EXOC6B: variants seen among roughly 807,000 people sequenced by gnomAD.
EXOC6B encodes SEC15 homolog B.
EXOC6B carries 54 observed loss-of-function variants against 113.5 expected under a neutral mutation model. The observed-to-expected ratio is 0.48, with a 90% CI of 0.38 to 0.60. The LOEUF (loss-of-function observed/expected upper bound fraction) is 0.60, where lower values mean the gene tolerates loss of function less well. Among genes scored for constraint, EXOC6B ranks in the 20% least tolerant of loss-of-function variants. The pLI is 0.00. For synonymous variants in EXOC6B, 357 were observed against 339.0 expected (o/e 1.05, Z -0.58); for missense variants, 797 against 977.5 (o/e 0.82, Z 2.46).
At chr2:72,624,141 T>C (rs920717575) in intron 6 of EXOC6B, among the ~76,000 whole-genome samples, 5 of 152,118 alleles carry the variant, frequency 3.3e-5, no homozygotes, top group African/African-American at 7.2e-5. Context: ...AGATCATCTT[T>C]TTTTTTTCCT....
Position 72,205,909 on chromosome 2 carries a change from GTCAA to G in EXOC6B, c.2197-21726_2197-21723del, listed in dbSNP as rs1395560179. Among the ~76,000 whole-genome samples the G allele has an allele frequency of 2.6e-5, 4 of 152,206 alleles. No homozygotes were observed. The East Asian group carries it at 7.7e-4, about 29-fold the overall frequency. On this transcript the variant is annotated intron_variant, in intron 20 of 21. Transcript: ENST00000272427. ...TGAAGTTTTGCGTGGGAGTTCTGAA[GTCAA>G]TCTCTGGTCCCCAGGGGCAACCTGT...
chr2:72,618,049 C>T (rs138928932), intron 6 of EXOC6B, among the ~76,000 whole-genome samples: 5 of 152,172 alleles, frequency 3.3e-5, no homozygotes, highest in African/African-American at 1.2e-4. Context: ...CCTGAGCCCT[C>T]CACTCCTAGA....
chr2:72,741,272 C>T (rs751034470), intron 2 of EXOC6B, 32 bp downstream of exon 2: 38 of 1,591,960 alleles, frequency 2.4e-5, no homozygotes, highest in Non-Finnish European at 2.8e-5. Context: ...CAACACAGGA[C>T]GGAGAAACAG....
chr2:72,682,000 TA>T (rs34379127), intron 6 of EXOC6B, among the ~76,000 whole-genome samples: 51 of 142,256 alleles, frequency 3.6e-4, no homozygotes, highest in African/African-American at 4.3e-4. Flanking sequence ...CAGAATCTCT[TA>T]AAAAAAAAAA....
chr2:72,671,612 C>T lies in EXOC6B; in HGVS notation c.669+46491G>A, dbSNP rs192626159. ...ACTCGGGAGCCTGAGGCAGAAGAAT[C>T]GCTTGAACCCGGGAGGTGGAGGTTG... On this transcript the variant is annotated intron_variant, in intron 6 of 21. Coordinates refer to ENST00000272427, the MANE Select transcript of EXOC6B (RefSeq NM_015189.3). Among the ~76,000 whole-genome samples the T allele has an allele frequency of 1.1e-4, 16 of 151,860 alleles. No individual in the cohort carries two copies. In the East Asian group the frequency reaches 3.1e-3, roughly 29 times the overall value.
intron 18 of EXOC6B, among the ~76,000 whole-genome samples, chr2:72,423,670 A>C (rs1695035832): frequency 6.6e-6 from 1 of 152,256 alleles, no homozygotes; most frequent in East Asian, 1.9e-4. Flanking sequence ...GTACTAGGAA[A>C]CAATCTTTGT....
chr2:72,658,382 CTTAATG>C (rs1558889660), intron 6 of EXOC6B, among the ~76,000 whole-genome samples: 1 of 148,078 alleles, frequency 6.8e-6, no homozygotes, highest in Non-Finnish European at 1.5e-5. Context: ...AAATACTTTT[CTTAATG>C]TTAAGTGCAC....
At chr2:72,796,297 T>C (rs1285463749) in intron 1 of EXOC6B, among the ~76,000 whole-genome samples, 3 of 151,400 alleles carry the variant, frequency 2.0e-5, no homozygotes, top group Non-Finnish European at 4.4e-5. Flanking sequence ...CTACTAAAAA[T>C]ACAAAATTAG....
chr2:72,323,088 C>G (rs1375981143), intron 20 of EXOC6B, among the ~76,000 whole-genome samples: 2 of 151,958 alleles, frequency 1.3e-5, no homozygotes, highest in Admixed American at 1.3e-4. Context: ...TGCAATCTAT[C>G]CCTGACAAAG....
At chr2:72,497,051 G>A (rs1219570045) in intron 13 of EXOC6B, among the ~76,000 whole-genome samples, 1 of 150,772 alleles carries the variant, frequency 6.6e-6, no homozygotes, top group African/African-American at 2.4e-5. Flanking sequence ...GTAGCTCACT[G>A]TAACCTCAAA....
intron 6 of EXOC6B, among the ~76,000 whole-genome samples, chr2:72,655,593 C>T (rs1558886632): frequency 6.6e-6 from 1 of 151,836 alleles, no homozygotes. Context: ...TGAAAAAGTA[C>T]ATGTATTCAA....
chr2:72,513,878 A>G (rs921281652), intron 10 of EXOC6B, among the ~76,000 whole-genome samples: 1 of 152,064 alleles, frequency 6.6e-6, no homozygotes, highest in Non-Finnish European at 1.5e-5. Flanking sequence ...AAAAGTCTTT[A>G]TTAGGGAATT....
chr2:72,269,378 C>G (rs1684336427), intron 20 of EXOC6B, among the ~76,000 whole-genome samples: 1 of 152,194 alleles, frequency 6.6e-6, no homozygotes, highest in African/African-American at 2.4e-5. Flanking sequence ...AAACTTAGCA[C>G]TGTTTAACAT....
chr2:72,350,880 T>C (rs1689612643), intron 19 of EXOC6B, among the ~76,000 whole-genome samples: 1 of 152,208 alleles, frequency 6.6e-6, no homozygotes, highest in Non-Finnish European at 1.5e-5. Flanking sequence ...CCAGTAGGTA[T>C]GGAGGATAAA....
At chr2:72,300,396 T>C (rs527462903) in intron 20 of EXOC6B, among the ~76,000 whole-genome samples, 84 of 152,308 alleles carry the variant, frequency 5.5e-4, no homozygotes, top group African/African-American at 1.9e-3. Context: ...GCATCCCAGG[T>C]CGACCTCAGA....
intron 15 of EXOC6B, among the ~76,000 whole-genome samples, 174 bp from the exon 16 acceptor site, chr2:72,492,603 GA>G (rs549947172): frequency 2.7e-5 from 4 of 147,410 alleles, no homozygotes; most frequent in African/African-American, 7.4e-5. Flanking sequence ...TTTGTTGGCT[GA>G]AAAAAAAATA....
At chr2:72,199,599 C>A (rs778549959) in intron 20 of EXOC6B, among the ~76,000 whole-genome samples, 1 of 152,178 alleles carries the variant, frequency 6.6e-6, no homozygotes, top group East Asian at 1.9e-4. Flanking sequence ...ATAGCTTCCT[C>A]TCCACCGCCA....
At chr2:72,646,008 GT>G in intron 6 of EXOC6B, among the ~76,000 whole-genome samples, 1 of 152,194 alleles carries the variant, frequency 6.6e-6, no homozygotes, top group South Asian at 2.1e-4. Flanking sequence ...CCAGGAGCTG[GT>G]TTTTTGAAAA....
chr2:72,193,688 G>C lies in EXOC6B; in HGVS notation c.2197-9501C>G, dbSNP rs142792789. 4.3e-3 allele frequency among the ~76,000 whole-genome samples: 656 copies of C among 152,288 alleles called. 6 individuals are homozygous for C. The highest frequency in any genetic ancestry group is 0.015 in the African/African-American group (604 of 41,568). ...CATCTAAGCCTGAGCCAGGTAGGTG[G>C]TGACTGGTAGGATGGGGTGGGGGTG... On this transcript the variant is annotated intron_variant, in intron 20 of 21. Coordinates refer to ENST00000272427, the MANE Select transcript of EXOC6B (RefSeq NM_015189.3).
Sources: gnomAD v4.1 joint callset for allele counts (sites outside exome capture counted in the v4.1 genomes callset) on GRCh38, gnomAD v4.1.1 for gene constraint, MANE v1.5 for transcripts, NCBI Gene and HGNC (gene_info 2026-07-23, HGNC 2026-07-21) for gene names.